Variants in SUGP1 observed in about 807,000 individuals in gnomAD.
SUGP1 encodes SURP and G-patch domain containing 1.
A neutral mutation model predicts 76.5 loss-of-function variants in SUGP1; 34 were observed. That is an observed-to-expected ratio of 0.44 (90% CI 0.34 to 0.59). SUGP1 has a LOEUF of 0.59. Ranked by LOEUF, SUGP1 falls within the 20% of genes least tolerant of loss-of-function variation. The probability of loss-of-function intolerance (pLI) is 0.01; values close to 1 mark genes in which losing one functional copy is unlikely to be tolerated. For synonymous variants in SUGP1, 326 were observed against 326.2 expected (o/e 1.00, Z 0.01); for missense variants, 752 against 851.7 (o/e 0.88, Z 1.46).
At chr19:19,309,087 G>A (rs954328588) in intron 3 of SUGP1, among the ~76,000 whole-genome samples, 12 of 151,874 alleles carry the variant, frequency 7.9e-5, no homozygotes, top group African/African-American at 2.7e-4. Flanking sequence ...GGCTGATCTC[G>A]AACTCCTGAC....
intron 9 of SUGP1, 31 bp downstream of exon 9, chr19:19,280,154 T>TGTCCCC (rs761916636): frequency 6.2e-7 from 1 of 1,602,446 alleles, no homozygotes; most frequent in South Asian, 1.1e-5. Context: ...GCGCCGACCA[T>TGTCCCC]GTCCCCGTCC....
intron 8 of SUGP1, among the ~76,000 whole-genome samples, chr19:19,293,660 A>G (rs2061202928): frequency 6.6e-6 from 1 of 152,106 alleles, no homozygotes; most frequent in Non-Finnish European, 1.5e-5. Context: ...AACATCATAC[A>G]CCCACACATC....
intron 2 of SUGP1, among the ~76,000 whole-genome samples, chr19:19,313,131 C>T (rs1204084324): frequency 1.3e-5 from 2 of 152,194 alleles, no homozygotes; most frequent in African/African-American, 2.4e-5. Context: ...CGGGACCTCA[C>T]ACCTGTAATC....
In SUGP1 at chr19:19,316,485, G is replaced by C. The variant is rs1284644586; in HGVS notation, c.143C>G (p.Ala48Gly). 2 of 1,613,808 alleles carry C rather than the reference G, an allele frequency of 1.2e-6. No homozygotes were observed. Among genetic ancestry groups the C allele is most frequent in the Non-Finnish European group, 1.7e-6 (2 of 1,180,010 alleles). Residue 48 changes from alanine to glycine, a missense_variant, in exon 2 of 14, where the codon GCC (alanine) becomes GGC (glycine). Physicochemically the swap from Ala to Gly is moderately conservative, Grantham distance 60. Around this residue, in one of 2 missense-constraint regions of SUGP1, gnomAD observed 620 missense variants for 617.3 expected, o/e 1.00. Transcript: ENST00000247001. ...CTGCTTGGCTTTCTGTTCCATTTTG[G>C]CTTCAATTTCCCGTTTCTTCTGAGC... ...LIAQKKREIE[A>G]KMEQKAKQNQ...
intron 13 of SUGP1, 131 bp from the exon 14 acceptor site, chr19:19,276,805 G>C (rs60892661): frequency 1.2e-5 from 19 of 1,541,612 alleles, no homozygotes; most frequent in East Asian, 6.8e-5. Context: ...GGGGACGGGT[G>C]GGGGCTTGAA....
chr19:19,291,544 A>C (rs886199244), intron 8 of SUGP1, among the ~76,000 whole-genome samples: 4 of 152,292 alleles, frequency 2.6e-5, no homozygotes, highest in Non-Finnish European at 2.9e-5. Flanking sequence ...AAGAAGAAAT[A>C]GAAAATCTGA....
chr19:19,317,189 CA>C, intron 1 of SUGP1, among the ~76,000 whole-genome samples: 1 of 150,114 alleles, frequency 6.7e-6, no homozygotes, highest in South Asian at 2.1e-4. Context: ...TGCTGAAAAC[CA>C]AAAAAGGGTG....
Position 19,279,227 on chromosome 19 carries a change from A to G in SUGP1, c.1514T>C (p.Met505Thr), listed in dbSNP as rs1214274813. Residue 505 changes from methionine to threonine, a missense_variant, in exon 10 of 14, where the codon ATG (methionine) becomes ACG (threonine). Met to Thr is a moderately conservative substitution (Grantham distance 81). Around this residue, in one of 2 missense-constraint regions of SUGP1, gnomAD observed 132 missense variants for 234.4 expected, o/e 0.56. Transcript: ENST00000247001. ...GCCCCACATACCCCTGGTCTTATCC[A>G]TCTCCATGCGCCGCAGCTGGTGCTC... ...TWEHQLRRME[M>T]DKTREWAEQL... 1 of 1,567,180 alleles carries G rather than the reference A, an allele frequency of 6.4e-7. No homozygotes were observed. Among genetic ancestry groups the G allele is most frequent in the Non-Finnish European group, 8.7e-7 (1 of 1,155,044 alleles).
intron 4 of SUGP1, 92 bp downstream of exon 4, chr19:19,305,757 T>C (rs1372006106): frequency 7.5e-7 from 1 of 1,335,286 alleles, no homozygotes; most frequent in Non-Finnish European, 1.0e-6. Context: ...AAAGCACCCA[T>C]GCCCCTGGCA....
chr19:19,318,113 C>CTTTTCTTTTTTTTTTTTTTTTT (rs55849619), intron 1 of SUGP1, among the ~76,000 whole-genome samples: 1 of 97,716 alleles, frequency 1.0e-5, no homozygotes, highest in Non-Finnish European at 1.9e-5. Flanking sequence ...ACCCAGCCTT[C>CTTTTCTTTTTTTTTTTTTTTTT]TTTTTTTTTT....
chr19:19,279,581 G>A (rs778307672), intron 9 of SUGP1, among the ~76,000 whole-genome samples, 191 bp from the exon 10 acceptor site: 3 of 151,996 alleles, frequency 2.0e-5, no homozygotes, highest in Non-Finnish European at 2.9e-5. Flanking sequence ...CCAGTGTGGA[G>A]CACGGAGGAC....
intron 8 of SUGP1, among the ~76,000 whole-genome samples, chr19:19,285,143 A>G (rs2061130063): frequency 6.6e-6 from 1 of 152,094 alleles, no homozygotes; most frequent in Non-Finnish European, 1.5e-5. Flanking sequence ...CTGGGATTAC[A>G]GGCGTGAGCT....
intron 8 of SUGP1, among the ~76,000 whole-genome samples, 200 bp downstream of exon 8, chr19:19,296,789 A>C (rs1286497170): frequency 2.0e-5 from 3 of 152,260 alleles, no homozygotes; most frequent in African/African-American, 4.8e-5. Flanking sequence ...CAAGCAGTGT[A>C]AACAACCTCT....
intron 4 of SUGP1, 54 bp downstream of exon 4, chr19:19,305,795 A>C (rs977848009): frequency 1.3e-6 from 2 of 1,528,366 alleles, no homozygotes; most frequent in African/African-American, 1.5e-5. Context: ...CACAGATCCC[A>C]CCTGCTAGAG....
At chr19:19,297,965 C>A (rs2061241979) in intron 7 of SUGP1, among the ~76,000 whole-genome samples, 1 of 152,206 alleles carries the variant, frequency 6.6e-6, no homozygotes, top group Non-Finnish European at 1.5e-5. Context: ...GCCTCTCGGA[C>A]CGTACACATC....
At position 19,276,598 on chromosome 19, in the gene SUGP1, C is replaced by T; in HGVS notation, c.*50G>A. 6.2e-7 allele frequency: 1 copy of T among 1,611,590 alleles called. No individual in the cohort carries two copies. The highest frequency in any genetic ancestry group is 2.2e-5 in the East Asian group (1 of 44,864). ...GGCAGAAATGCAGGCCGGAACATTC[C>T]ACAGTCCAGGGACGGTTGGTCATTC... On this transcript the variant is annotated 3_prime_UTR_variant, in exon 14 of 14. Coordinates refer to ENST00000247001, the MANE Select transcript of SUGP1 (RefSeq NM_172231.4).
At chr19:19,313,014 A>G (rs1568636258) in intron 2 of SUGP1, among the ~76,000 whole-genome samples, 1 of 151,724 alleles carries the variant, frequency 6.6e-6, no homozygotes, top group Non-Finnish European at 1.5e-5. Flanking sequence ...TAAATAAAAT[A>G]AATAAATAAA....
chr19:19,316,385 A>ACATCCAGGCCC (rs772224287), intron 2 of SUGP1, 37 bp downstream of exon 2: 25 of 1,611,148 alleles, frequency 1.6e-5, no homozygotes, highest in Admixed American at 6.7e-5. Flanking sequence ...TCAAAGACTC[A>ACATCCAGGCCC]CATCCAGGCC....
rs1478965717 is a variant in SUGP1 at position 19,277,751 on chromosome 19, G to C, written c.1764C>G (p.Ile588Met). Residue 588 changes from isoleucine to methionine, a missense_variant, in exon 12 of 14, where the codon ATC (isoleucine) becomes ATG (methionine). Physicochemically the swap from Ile to Met is conservative, Grantham distance 10. Transcript: ENST00000247001. The part of the protein sequence containing the change: ...GEGLGSEGQG[I>M]KNPVNKGTTT... Reference sequence around the variant, plus strand: ...ACACTCACTTGTTCACTGGGTTCTTGATGCCCTGGCCCTCTGAGCCCAGCC... The same window carrying C: ...ACACTCACTTGTTCACTGGGTTCTTCATGCCCTGGCCCTCTGAGCCCAGCC... 1 of 1,614,012 alleles carries C rather than the reference G, an allele frequency of 6.2e-7. No individual in the cohort carries two copies. The highest frequency in any genetic ancestry group is 8.5e-7 in the Non-Finnish European group (1 of 1,179,970).
Sources: allele counts gnomAD v4.1 joint callset (sites outside exome capture counted in the v4.1 genomes callset), GRCh38; gene constraint gnomAD v4.1.1; regional missense constraint gnomAD v4.1.1; transcripts MANE v1.5; gene names NCBI Gene and HGNC (gene_info 2026-07-23, HGNC 2026-07-21).